Variants in RNF216 observed in about 807,000 individuals in gnomAD.
RNF216 encodes the protein ring finger protein 216, also known as E3 ubiquitin-protein ligase RNF216.
Under a neutral mutation model 110.8 loss-of-function variants are expected in RNF216, and 72 were observed. That is an observed-to-expected ratio of 0.65 (90% CI 0.54 to 0.79). RNF216 has a LOEUF of 0.79. Among genes scored for constraint, RNF216 ranks in the 30% least tolerant of loss-of-function variants. RNF216 has a pLI of 0.00. For missense variants in RNF216, 1,342 were observed against 1,141.2 expected (o/e 1.18, Z -2.54); for synonymous variants, 495 against 407.5 (o/e 1.21, Z -2.59).
rs775947758 is a variant in RNF216 at position 5,741,250 on chromosome 7, G to C, written c.767C>G (p.Pro256Arg). ...CAACAAGCGGCCCAGTTCTGCTTCA[G>C]GCTGCCGTTCCTGAGGAACGACCTG... Reference protein sequence around the residue: ...TNQVVPQERQPEAELGRLLFQ... With the variant: ...TNQVVPQERQREAELGRLLFQ... The change falls in exon 4 of 17, where the codon CCT becomes CGT. Residue 256 changes from proline to arginine, a missense_variant. Transcript: ENST00000389902. 5.0e-6 allele frequency: 8 copies of C among 1,614,176 alleles called. 1 individual carries two copies. In the South Asian group the frequency reaches 8.8e-5, roughly 18 times the overall value.
At chr7:5,707,553 G>T (rs1159270265) in intron 13 of RNF216, among the ~76,000 whole-genome samples, 1 of 152,020 alleles carries the variant, frequency 6.6e-6, no homozygotes, top group East Asian at 1.9e-4. Context: ...CTATGTATAA[G>T]ATCATGTTAT....
intron 13 of RNF216, among the ~76,000 whole-genome samples, chr7:5,711,189 T>C (rs925493410): frequency 6.6e-6 from 1 of 152,216 alleles, no homozygotes; most frequent in Admixed American, 6.5e-5. Context: ...ACATTCTTAG[T>C]TCACAGGGCG....
intron 8 of RNF216, among the ~76,000 whole-genome samples, chr7:5,724,038 A>T (rs1458898617): frequency 1.3e-5 from 2 of 152,258 alleles, no homozygotes; most frequent in African/African-American, 4.8e-5. Flanking sequence ...AAACTGAATC[A>T]AATGAAATGA....
intron 15 of RNF216, among the ~76,000 whole-genome samples, chr7:5,632,988 TG>T (rs1217690903): frequency 1.3e-5 from 2 of 148,338 alleles, no homozygotes; most frequent in African/African-American, 5.3e-5. Context: ...GAGCACTTTC[TG>T]TTTTTTTTGA....
intron 3 of RNF216, among the ~76,000 whole-genome samples, chr7:5,748,163 C>T (rs1795137796): frequency 6.6e-6 from 1 of 152,202 alleles, no homozygotes; most frequent in Non-Finnish European, 1.5e-5. Flanking sequence ...ACTGGCCTTA[C>T]AAACATCGTT....
chr7:5,775,668 A>T (rs1796734008), intron 1 of RNF216, among the ~76,000 whole-genome samples: 1 of 152,076 alleles, frequency 6.6e-6, no homozygotes, highest in African/African-American at 2.4e-5. Context: ...TCAGGAGTTC[A>T]AGACCAGCCT....
At chr7:5,711,138 A>G (rs974317008) in intron 13 of RNF216, among the ~76,000 whole-genome samples, 1 of 152,252 alleles carries the variant, frequency 6.6e-6, no homozygotes, top group Non-Finnish European at 1.5e-5. Flanking sequence ...AATATTCACT[A>G]AAAACTCTAA....
At chr7:5,658,171 C>A (rs6953970) in intron 13 of RNF216, among the ~76,000 whole-genome samples, 1 of 151,968 alleles carries the variant, frequency 6.6e-6, no homozygotes, top group South Asian at 2.1e-4. Flanking sequence ...GTAATCAGAA[C>A]CTCCATGCAA....
At chr7:5,659,981 G>T (rs1385507912) in intron 13 of RNF216, among the ~76,000 whole-genome samples, 6 of 140,412 alleles carry the variant, frequency 4.3e-5, no homozygotes, top group African/African-American at 1.6e-4. Context: ...TAGAGACAAG[G>T]TCTTGCTCTG....
At chr7:5,717,404 C>T (rs888254376) in intron 9 of RNF216, among the ~76,000 whole-genome samples, 4 of 152,060 alleles carry the variant, frequency 2.6e-5, no homozygotes, top group Admixed American at 6.6e-5. Context: ...ACTTCGCTGG[C>T]GAGGCTGTGT....
At chr7:5,710,205 TA>T (rs1792580011) in intron 13 of RNF216, among the ~76,000 whole-genome samples, 1 of 151,932 alleles carries the variant, frequency 6.6e-6, no homozygotes, top group African/African-American at 2.4e-5. Flanking sequence ...ACTAAAAATA[TA>T]AAAATCAGTC....
chr7:5,668,250 T>C (rs1038290581), intron 13 of RNF216, among the ~76,000 whole-genome samples: 2 of 139,678 alleles, frequency 1.4e-5, no homozygotes, highest in African/African-American at 5.5e-5. Context: ...TGAGATGGAG[T>C]CTCGCTCCGT....
intron 13 of RNF216, among the ~76,000 whole-genome samples, chr7:5,665,100 G>A (rs1010446412): frequency 6.6e-6 from 1 of 152,142 alleles, no homozygotes; most frequent in Non-Finnish European, 1.5e-5. Flanking sequence ...ACCCAGCCAG[G>A]ACACACAAAA....
rs541511109 is a variant in RNF216, at chr7:5,701,582, C to T, written c.2061+10179G>A. Among the ~76,000 whole-genome samples the T allele has an allele frequency of 1.8e-4, 27 of 152,298 alleles. No homozygotes were observed. In the South Asian group the frequency reaches 2.7e-3, roughly 15 times the overall value. On this transcript the variant is annotated intron_variant, in intron 13 of 16. Coordinates refer to ENST00000389902, the MANE Select transcript of RNF216 (RefSeq NM_207111.4). ...TAGGTGCAACCGTTCTTATTGTACA[C>T]GGAAAGGAAATGTGGCTTAGGGAGA...
At chr7:5,704,996 G>A (rs757622066) in intron 13 of RNF216, among the ~76,000 whole-genome samples, 26 of 152,170 alleles carry the variant, frequency 1.7e-4, no homozygotes, top group Non-Finnish European at 3.1e-4. Context: ...ATAAAAAGAT[G>A]TGAATAAATG....
In RNF216 at chr7:5,652,851, C is replaced by A. The variant is rs189377946; in HGVS notation, c.2062-341G>T. 2.0e-5 allele frequency among the ~76,000 whole-genome samples: 3 copies of A among 152,134 alleles called. No individual in the cohort carries two copies. In the East Asian group the frequency reaches 5.8e-4, roughly 29 times the overall value. Reference sequence around the variant, plus strand: ...AGTGGTAAGAATCATTAGAAGGACGCACAAGGAAAAATTTCTCTCCCTAGA... The same window carrying A: ...AGTGGTAAGAATCATTAGAAGGACGAACAAGGAAAAATTTCTCTCCCTAGA... On this transcript the variant is annotated intron_variant, in intron 13 of 16. Coordinates refer to ENST00000389902, the MANE Select transcript of RNF216 (RefSeq NM_207111.4).
chr7:5,678,745 C>T (rs768207780), intron 13 of RNF216, among the ~76,000 whole-genome samples: 1 of 152,248 alleles, frequency 6.6e-6, no homozygotes, highest in African/African-American at 2.4e-5. Context: ...AGAGCTACAG[C>T]AGTGGGACAA....
At chr7:5,745,564 A>G (rs1794987323) in intron 3 of RNF216, among the ~76,000 whole-genome samples, 1 of 152,170 alleles carries the variant, frequency 6.6e-6, no homozygotes, top group Admixed American at 6.5e-5. Context: ...AAAAATCACT[A>G]CAGATAATAA....
chr7:5,699,659 G>T (rs112619750), intron 13 of RNF216, among the ~76,000 whole-genome samples: 13 of 152,322 alleles, frequency 8.5e-5, no homozygotes, highest in African/African-American at 2.6e-4. Context: ...AACAGAGCAC[G>T]AACTGTTATT....
Sources: gnomAD v4.1 joint callset for allele counts (sites outside exome capture counted in the v4.1 genomes callset) on GRCh38, gnomAD v4.1.1 for gene constraint, MANE v1.5 for transcripts, NCBI Gene and HGNC (gene_info 2026-07-23, HGNC 2026-07-21) for gene names.